SGMS1: variants seen among roughly 807,000 people sequenced by gnomAD.
SGMS1 encodes sphingomyelin synthase 1, also known as phosphatidylcholine:ceramide cholinephosphotransferase 1.
In SGMS1, 13 loss-of-function variants were observed where a neutral mutation model predicts 46.2. The ratio of observed to expected loss-of-function variants is 0.28; its 90% CI spans 0.18 to 0.45. SGMS1 has a LOEUF of 0.45. SGMS1 is among the 20% of genes least tolerant of loss of function. SGMS1 has a pLI of 1.00. For synonymous variants in SGMS1, 203 were observed against 187.8 expected, an observed-to-expected ratio of 1.08 and a Z score of -0.66; for missense variants, 324 against 519.9, an observed-to-expected ratio of 0.62 and a Z score of 3.66.
intron 3 of SGMS1, among the ~76,000 whole-genome samples, chr10:50,490,476 T>C (rs1167821926): frequency 6.6e-6 from 1 of 152,180 alleles, no homozygotes; most frequent in East Asian, 1.9e-4. Flanking sequence ...TGTCCTGAAA[T>C]GTGTGGGACA....
chr10:50,321,839 A>T (rs1452796276), intron 8 of SGMS1, among the ~76,000 whole-genome samples: 4 of 152,260 alleles, frequency 2.6e-5, no homozygotes, highest in Non-Finnish European at 4.4e-5. Flanking sequence ...AACATCCTAA[A>T]GAGCAATGAG....
At chr10:50,419,818 C>A (rs1288961999) in intron 6 of SGMS1, among the ~76,000 whole-genome samples, 1 of 152,188 alleles carries the variant, frequency 6.6e-6, no homozygotes, top group Non-Finnish European at 1.5e-5. Context: ...CTTTGGAGAT[C>A]TTTCTCATAC....
At chr10:50,387,238 T>C (rs1188298781) in intron 6 of SGMS1, among the ~76,000 whole-genome samples, 1 of 152,206 alleles carries the variant, frequency 6.6e-6, no homozygotes, top group Non-Finnish European at 1.5e-5. Context: ...TTCACTTTCC[T>C]TAACCATTAA....
At chr10:50,312,312 G>C (rs770147542) in intron 8 of SGMS1, among the ~76,000 whole-genome samples, 8 of 143,844 alleles carry the variant, frequency 5.6e-5, no homozygotes, top group Non-Finnish European at 1.2e-4. Context: ...ATGGAAGGAT[G>C]ATACATCAGT....
intron 7 of SGMS1, among the ~76,000 whole-genome samples, chr10:50,337,306 C>T (rs1406807964): frequency 6.6e-6 from 1 of 152,128 alleles, no homozygotes; most frequent in Admixed American, 6.5e-5. Context: ...AATAACTAAA[C>T]ATAAAAATGT....
intron 3 of SGMS1, among the ~76,000 whole-genome samples, chr10:50,482,789 T>C (rs1001728180): frequency 3.3e-5 from 5 of 152,098 alleles, no homozygotes; most frequent in Non-Finnish European, 7.4e-5. Context: ...TCATGACCCA[T>C]CTGTGCACTG....
intron 5 of SGMS1, 47 bp from the exon 6 acceptor site, chr10:50,433,603 C>T (rs1409284378): frequency 6.6e-6 from 1 of 152,306 alleles, no homozygotes; most frequent in Non-Finnish European, 1.5e-5. Context: ...CTCAGAAAGG[C>T]CATTTCTTGA....
rs1034409142 is a variant in SGMS1 at position 50,623,757 on chromosome 10, C to A, written c.-734G>T. The A allele has an allele frequency of 2.0e-6, 2 of 985,448 alleles. No individual in the cohort carries two copies. The highest frequency in any genetic ancestry group is 4.7e-5 in the South Asian group (1 of 21,292). 61.0% of individuals were successfully genotyped at this position (985,448 alleles called of 1,614,324 possible). On this transcript the variant is annotated 5_prime_UTR_variant, in exon 1 of 11. Coordinates refer to ENST00000361781, the MANE Select transcript of SGMS1 (RefSeq NM_147156.4). ...GGAATTCCGCTCGCGGAGCCCCCGC[C>A]GCGGAATGAAATCCGGGGCAGGGCA...
intron 7 of SGMS1, among the ~76,000 whole-genome samples, chr10:50,339,456 C>T (rs1847775805): frequency 6.6e-6 from 1 of 152,180 alleles, no homozygotes; most frequent in Admixed American, 6.5e-5. Context: ...ATCTAAAGTA[C>T]CAGCCTCTCC....
intron 3 of SGMS1, among the ~76,000 whole-genome samples, chr10:50,511,720 AC>A (rs1472756500): frequency 6.6e-6 from 1 of 152,216 alleles, no homozygotes; most frequent in East Asian, 1.9e-4. Context: ...TAGATGAGTC[AC>A]AATGAAATCT....
chr10:50,506,012 T>G (rs985788584), intron 3 of SGMS1, among the ~76,000 whole-genome samples: 2 of 152,116 alleles, frequency 1.3e-5, no homozygotes, highest in African/African-American at 4.8e-5. Context: ...TTCCTCTCCC[T>G]CCTGATTACT....
chr10:50,420,088 G>A (rs1849235462), intron 6 of SGMS1, among the ~76,000 whole-genome samples: 2 of 152,194 alleles, frequency 1.3e-5, no homozygotes, highest in African/African-American at 2.4e-5. Context: ...GGTCAAAAGA[G>A]CAGAAGCAAG....
At chr10:50,574,623 C>T (rs975725228) in intron 2 of SGMS1, among the ~76,000 whole-genome samples, 1 of 152,060 alleles carries the variant, frequency 6.6e-6, no homozygotes, top group Non-Finnish European at 1.5e-5. Context: ...ACCCAGTGAT[C>T]CCACTTGTGG....
upstream of SGMS1, among the ~76,000 whole-genome samples, chr10:50,624,368 A>G (rs1056099877): frequency 6.6e-6 from 1 of 152,058 alleles, no homozygotes; most frequent in African/African-American, 2.4e-5. Context: ...TCTTTTTCCC[A>G]CCAAGCCCAA....
At chr10:50,494,193 G>T (rs540188694) in intron 3 of SGMS1, among the ~76,000 whole-genome samples, 1 of 152,354 alleles carries the variant, frequency 6.6e-6, no homozygotes, top group East Asian at 1.9e-4. Flanking sequence ...GTGTAAATTA[G>T]TTCAACCATT....
chr10:50,578,618 A>T (rs1838405433), intron 2 of SGMS1, among the ~76,000 whole-genome samples: 1 of 152,224 alleles, frequency 6.6e-6, no homozygotes, highest in Non-Finnish European at 1.5e-5. Flanking sequence ...TGCTTTAAAA[A>T]ATAATAGAAC....
intron 2 of SGMS1, among the ~76,000 whole-genome samples, chr10:50,530,587 C>A (rs7898720): frequency 0.025 from 3,873 of 152,114 alleles, 173 homozygotes; most frequent in African/African-American, 0.088. Flanking sequence ...GGGCTCCAAG[C>A]GATCCTCCCG....
At chr10:50,612,185 C>A (rs188590275) in intron 1 of SGMS1, among the ~76,000 whole-genome samples, 2 of 152,378 alleles carry the variant, frequency 1.3e-5, no homozygotes, top group Admixed American at 1.3e-4. Flanking sequence ...GCATCTTCCA[C>A]CTGCCAAGCT....
rs534252802 is a variant in SGMS1, at chr10:50,544,321, T to C, written c.-588-24400A>G. Among the ~76,000 whole-genome samples the C allele has an allele frequency of 7.9e-5, 12 of 152,310 alleles. No homozygotes were observed. In the South Asian group the frequency reaches 1.0e-3, roughly 13 times the overall value. On this transcript the variant is annotated intron_variant, in intron 2 of 10. Coordinates refer to ENST00000361781, the MANE Select transcript of SGMS1 (RefSeq NM_147156.4). ...GTCACACAGGGAGACACGGAGGATA[T>C]GAACCTCTTACAGACACCATGACAA...
Sources: allele counts gnomAD v4.1 joint callset (sites outside exome capture counted in the v4.1 genomes callset), GRCh38; gene constraint gnomAD v4.1.1; transcripts MANE v1.5; gene names NCBI Gene and HGNC (gene_info 2026-07-23, HGNC 2026-07-21).